The following TRPM6 variants were observed in gnomAD, a reference collection of about 807,000 sequenced individuals.
TRPM6 encodes the protein transient receptor potential cation channel subfamily M member 6, also known as channel kinase 2.
A neutral mutation model predicts 247.6 loss-of-function variants in TRPM6; 111 were observed. The observed-to-expected ratio is 0.45, with a 90% CI of 0.38 to 0.52. TRPM6 has a LOEUF of 0.52. TRPM6 is among the 20% of genes least tolerant of loss of function. TRPM6 has a pLI of 0.00. For synonymous variants in TRPM6, 892 were observed against 853.8 expected (o/e 1.04, Z -0.78); for missense variants, 2,126 against 2,421.5 (o/e 0.88, Z 2.56).
intron 27 of TRPM6, among the ~76,000 whole-genome samples, chr9:74,758,105 A>G (rs1826494574): frequency 6.6e-6 from 1 of 152,350 alleles, no homozygotes; most frequent in African/African-American, 2.4e-5. Context: ...GAAGAATTAC[A>G]TAACCTAAAT....
intron 23 of TRPM6, among the ~76,000 whole-genome samples, chr9:74,782,082 T>C (rs895890917): frequency 2.6e-5 from 4 of 152,192 alleles, no homozygotes; most frequent in Non-Finnish European, 4.4e-5. Context: ...CTACACCATT[T>C]TCTATAAGGG....
rs778366581 is a variant in TRPM6, at chr9:74,840,149, A to T, written c.419T>A (p.Ile140Asn). The T allele has an allele frequency of 6.2e-7, 1 of 1,614,056 alleles. No homozygotes were observed. Among genetic ancestry groups the T allele is most frequent in the South Asian group, 1.1e-5 (1 of 91,068 alleles). Residue 140 changes from isoleucine (I) to asparagine (N), a missense_variant, in exon 5 of 39, where the codon ATC becomes AAC. Ile to Asn is a moderately radical substitution (Grantham distance 149, BLOSUM62 -3). This residue lies in a region of TRPM6 where 1,082 missense variants were observed against 1,307.9 expected (regional missense o/e 0.83). Coordinates refer to ENST00000360774, the MANE Select transcript of TRPM6 (RefSeq NM_017662.5). ...GTTCTGGATGCCCCCATGGACTGAG[A>T]TCACAAGCTTGGGCAGTTCCATTTT... ...EWKMELPKLV[I>N]SVHGGIQNFT...
chr9:74,802,494 A>G (rs1828380369), intron 15 of TRPM6, among the ~76,000 whole-genome samples: 1 of 152,198 alleles, frequency 6.6e-6, no homozygotes, highest in South Asian at 2.1e-4. Flanking sequence ...GGGAGACATA[A>G]CAATGCCTGA....
At chr9:74,786,437 AT>A (rs1827669992) in intron 20 of TRPM6, among the ~76,000 whole-genome samples, 1 of 152,182 alleles carries the variant, frequency 6.6e-6, no homozygotes, top group South Asian at 2.1e-4. Flanking sequence ...ACACCAAGAC[AT>A]TTTAAAACTC....
At chr9:74,750,594 C>T (rs1826211006) in intron 30 of TRPM6, 70 bp downstream of exon 30, 2 of 1,344,070 alleles carry the variant, frequency 1.5e-6, no homozygotes, top group Non-Finnish European at 2.1e-6. Context: ...TAAATTAAAC[C>T]TTTGCTCCTA....
intron 21 of TRPM6, 117 bp downstream of exon 21, chr9:74,785,757 T>C: frequency 1.8e-6 from 2 of 1,132,992 alleles, no homozygotes; most frequent in South Asian, 1.2e-5. Context: ...TCTCCTGACC[T>C]TGTGATCCGC....
In TRPM6 at chr9:74,812,542, A is replaced by G; in HGVS notation, c.1309-109T>C. 2.6e-6 allele frequency: 3 copies of G among 1,148,508 alleles called. No homozygotes were observed. The South Asian group carries it at 4.0e-5, about 15-fold the overall frequency. 71.1% of individuals were successfully genotyped at this position (1,148,508 alleles called of 1,614,324 possible). A position where few individuals can be genotyped will look rare whatever the true frequency, so the allele number is the denominator to read the frequency against. ...TACACAAACACAATAATTTTAAAATAAAATCCTGCCATCAGTGGGTACAGA... is the reference window on the plus strand; with the variant it reads ...TACACAAACACAATAATTTTAAAATGAAATCCTGCCATCAGTGGGTACAGA... On this transcript the variant is annotated intron_variant, in intron 11 of 38. Coordinates refer to ENST00000360774, the MANE Select transcript of TRPM6 (RefSeq NM_017662.5).
intron 13 of TRPM6, 139 bp downstream of exon 13, chr9:74,810,676 G>A (rs1211624808): frequency 2.6e-6 from 2 of 771,034 alleles, no homozygotes; most frequent in Non-Finnish European, 4.6e-6. Flanking sequence ...TGATGAACTT[G>A]TTCAAATCAA....
chr9:74,874,760 T>C (rs1363476166), intron 1 of TRPM6, among the ~76,000 whole-genome samples: 1 of 75,364 alleles, frequency 1.3e-5, no homozygotes, highest in Non-Finnish European at 3.2e-5. Flanking sequence ...TGTAATTGTA[T>C]TTTTTTTTTT....
chr9:74,859,531 G>A (rs111605194), intron 1 of TRPM6, among the ~76,000 whole-genome samples: 1 of 152,158 alleles, frequency 6.6e-6, no homozygotes, highest in Non-Finnish European at 1.5e-5. Context: ...CCAACACTTT[G>A]GGAGGCCAAG....
chr9:74,840,221 T>A lies in TRPM6; in HGVS notation c.347A>T (p.Tyr116Phe), dbSNP rs1337063066. 1.2e-6 allele frequency: 2 copies of A among 1,612,010 alleles called. No individual in the cohort carries two copies. The highest frequency in any genetic ancestry group is 1.7e-6 in the Non-Finnish European group (2 of 1,178,220). Reference sequence around the variant, plus strand: ...TAACAGATGATCCAGTTTTGTATCATAAGAAGTTCTAATATACTGCAAGAA... The same window carrying A: ...TAACAGATGATCCAGTTTTGTATCAAAAGAAGTTCTAATATACTGCAAGAA... ...THHAKYIRTSYDTKLDHLLHL... is the reference protein window; with the variant it reads ...THHAKYIRTSFDTKLDHLLHL... Residue 116 changes from tyrosine to phenylalanine, a missense_variant, in exon 5 of 39, where the codon TAT (tyrosine) becomes TTT (phenylalanine). Physicochemically the swap from Tyr to Phe is conservative, Grantham distance 22. Transcript: ENST00000360774.
chr9:74,853,219 C>T (rs1402202678), intron 3 of TRPM6, among the ~76,000 whole-genome samples: 3 of 152,008 alleles, frequency 2.0e-5, no homozygotes, highest in East Asian at 3.9e-4. Context: ...GCCCGGCAGC[C>T]GCCCCATCGG....
chr9:74,827,364 C>G (rs1185362126), intron 7 of TRPM6, among the ~76,000 whole-genome samples: 1 of 152,102 alleles, frequency 6.6e-6, no homozygotes, highest in Admixed American at 6.5e-5. Context: ...CTTCTGGCTT[C>G]GGGTTCCCTA....
chr9:74,822,178 C>A (rs1302435424), intron 7 of TRPM6, among the ~76,000 whole-genome samples: 1 of 152,154 alleles, frequency 6.6e-6, no homozygotes, highest in African/African-American at 2.4e-5. Flanking sequence ...TATAATAGAT[C>A]CCAATGTGTT....
chr9:74,790,277 G>A (rs1827856804), intron 19 of TRPM6, among the ~76,000 whole-genome samples: 1 of 152,080 alleles, frequency 6.6e-6, no homozygotes, highest in South Asian at 2.1e-4. Flanking sequence ...ATATAAGAAA[G>A]TAAAGGTAAA....
At position 74,762,816 on chromosome 9, in the gene TRPM6, G is replaced by C. The variant is rs759354797; in HGVS notation, c.3855C>G (p.Ser1285Arg). The C allele has an allele frequency of 8.7e-6, 14 of 1,613,950 alleles. No individual in the cohort carries two copies. The highest frequency in any genetic ancestry group is 4.0e-5 in the African/African-American group (3 of 74,908). The change falls in exon 26 of 39, where the codon AGC becomes AGG. Residue 1285 changes from serine to arginine, a missense_variant. Ser to Arg is a moderately radical substitution (Grantham distance 110). This residue lies in a region of TRPM6 where 717 missense variants were observed against 715.9 expected (regional missense o/e 1.00). Coordinates refer to ENST00000360774, the MANE Select transcript of TRPM6 (RefSeq NM_017662.5). ...TTGGGGGATGCCGGCCTCCAGCCAGGCTCCTCAGCAAAGAAGAGGGCATGC... is the reference window on the plus strand; with the variant it reads ...TTGGGGGATGCCGGCCTCCAGCCAGCCTCCTCAGCAAAGAAGAGGGCATGC... ...YYSMPSSLLR[S>R]LAGGRHPPRV... is the part of the protein sequence containing the mutation.
intron 5 of TRPM6, among the ~76,000 whole-genome samples, chr9:74,838,895 AG>A (rs749548703): frequency 1.5e-4 from 23 of 152,144 alleles, no homozygotes; most frequent in Non-Finnish European, 2.9e-4. Flanking sequence ...AGATCGCCTG[AG>A]GTCAGGAGTT....
chr9:74,857,039 G>A (rs1310628538), intron 2 of TRPM6, among the ~76,000 whole-genome samples: 1 of 151,744 alleles, frequency 6.6e-6, no homozygotes, highest in Non-Finnish European at 1.5e-5. Flanking sequence ...TTTTTTTTGA[G>A]ATTCAAGATT....
chr9:74,815,322 T>A (rs1828888577), intron 11 of TRPM6, among the ~76,000 whole-genome samples: 1 of 152,188 alleles, frequency 6.6e-6, no homozygotes, highest in African/African-American at 2.4e-5. Flanking sequence ...TGTTTACTTC[T>A]CAATAGAAAT....
Sources: gnomAD v4.1 joint callset for allele counts (sites outside exome capture counted in the v4.1 genomes callset) on GRCh38, gnomAD v4.1.1 for gene constraint, gnomAD v4.1.1 regional missense constraint, MANE v1.5 for transcripts, NCBI Gene and HGNC (gene_info 2026-07-23, HGNC 2026-07-21) for gene names.